Variants in MSLN observed in about 807,000 individuals in gnomAD.
MSLN encodes CAK1 antigen.
MSLN carries 82 observed loss-of-function variants against 72.6 expected under a neutral mutation model. The ratio of observed to expected loss-of-function variants is 1.13; its 90% CI spans 0.94 to 1.36. The LOEUF (loss-of-function observed/expected upper bound fraction) is 1.36. MSLN is among the 40% of genes most tolerant of loss of function. The pLI is 0.00. For synonymous variants in MSLN, 456 were observed against 387.3 expected, an observed-to-expected ratio of 1.18 and a Z score of -2.08; for missense variants, 1,005 against 847.9, an observed-to-expected ratio of 1.19 and a Z score of -2.30.
chr16:765,745 C>G lies in MSLN; in HGVS notation c.850C>G (p.Pro284Ala), dbSNP rs758864580. The G allele has an allele frequency of 1.8e-5, 29 of 1,600,576 alleles. No individual in the cohort carries two copies. Among genetic ancestry groups the G allele is most frequent in the African/African-American group, 4.0e-5 (3 of 74,928 alleles). Residue 284 changes from proline to alanine, a missense_variant, in exon 11 of 18, where the codon CCT becomes GCT. Pro to Ala is a conservative substitution (Grantham distance 27, BLOSUM62 -1). Transcript: ENST00000545450. ...RSSRDPSWRQ[P>A]ERTILRPRFR... ...CTCTCGGGACCCATCCTGGCGGCAG[C>G]CTGAACGGACCATCCTCCGGCCGCG...
At chr16:766,543 G>A (rs2041612520) in intron 13 of MSLN, 53 bp downstream of exon 13, 2 of 1,610,320 alleles carry the variant, frequency 1.2e-6, no homozygotes, top group Admixed American at 1.7e-5. Context: ...GGGCTGAGGG[G>A]CAGAGTGGGG....
Position 764,629 on chromosome 16 carries a change from G to C in MSLN, c.301-18G>C, listed in dbSNP as rs1012484305. On this transcript the variant is annotated intron_variant, in intron 6 of 17. Transcript: ENST00000545450. ...TGGCGGCTCGAAACGCTCTGTGCTG[G>C]ACTCCCTGCCCCTGCAGCTGCGCTG... 6.2e-7 allele frequency: 1 copy of C among 1,609,954 alleles called. No homozygotes were observed. Among genetic ancestry groups the C allele is most frequent in the Non-Finnish European group, 8.5e-7 (1 of 1,177,608 alleles).
Position 760,815 on chromosome 16 carries a change from G to A in MSLN, c.-118G>A, listed in dbSNP as rs2041527388. On this transcript the variant is annotated 5_prime_UTR_variant, in exon 1 of 18. Transcript: ENST00000545450. ...CAATTGAGGAAACCGAGGCAGAGGA[G>A]GCTCAGGTGTGGCCAATCACCCTGC... 2.0e-5 allele frequency: 3 copies of A among 152,394 alleles called. No homozygotes were observed. Among genetic ancestry groups the A allele is most frequent in the African/African-American group, 7.2e-5 (3 of 41,474 alleles). The allele number at this position is 152,394 out of a possible 1,614,324, so 9.4% of individuals were successfully genotyped here. A position where few individuals can be genotyped will look rare whatever the true frequency, so the allele number is the denominator to read the frequency against.
chr16:763,449 C>T lies in MSLN; in HGVS notation c.129+173C>T, dbSNP rs570797391. On this transcript the variant is annotated intron_variant, in intron 4 of 17. Coordinates refer to ENST00000545450, the MANE Select transcript of MSLN (RefSeq NM_005823.6). ...CCTGGGAGCAGCCAGGTCCAGGGAGCGGCAGAGCTGAAATTGCAGCTGGGT... is the reference window on the plus strand; with the variant it reads ...CCTGGGAGCAGCCAGGTCCAGGGAGTGGCAGAGCTGAAATTGCAGCTGGGT... Among the ~76,000 whole-genome samples, 14 of 152,222 alleles carry T rather than the reference C, an allele frequency of 9.2e-5. 1 individual carries two copies. The highest frequency in any genetic ancestry group is 2.9e-4 in the African/African-American group (12 of 41,506).
intron 2 of MSLN, chr16:762,391 C>G: frequency 2.1e-6 from 1 of 477,114 alleles, no homozygotes; most frequent in Admixed American, 3.9e-5. Flanking sequence ...CTCACACTGC[C>G]CTGCCCTTCT....
chr16:762,741 C>G lies in MSLN; in HGVS notation c.61C>G (p.Leu21Val). ...CTGTGGGACCCCCGCCCTCGGCAGC[C>G]TCCTGTTCCTGCTCTTCAGCCTCGG... ...GSCGTPALGS[L>V]LFLLFSLGWV... Residue 21 changes from leucine (L) to valine (V), a missense_variant, in exon 3 of 18, where the codon CTC becomes GTC. Coordinates refer to ENST00000545450, the MANE Select transcript of MSLN (RefSeq NM_005823.6). 6.2e-7 allele frequency: 1 copy of G among 1,600,096 alleles called. No individual in the cohort carries two copies. Among genetic ancestry groups the G allele is most frequent in the African/African-American group, 1.3e-5 (1 of 74,518 alleles).
chr16:767,133 C>T (rs2041626091), intron 15 of MSLN, 121 bp downstream of exon 15: 33 of 1,479,444 alleles, frequency 2.2e-5, no homozygotes, highest in Non-Finnish European at 2.9e-5. Context: ...GGGTGGTCAC[C>T]CGCCCTCTGC....
Position 766,917 on chromosome 16 carries a change from ACCCAAGGCAGCTGGACGTCCTCTAT to A in MSLN, c.1415_1439del (p.Gln472ProfsTer8), listed in dbSNP as rs1335627470. ...AGGCCCCAGGACCTGGACACGTGTG[ACCCAAGGCAGCTGGACGTCCTCTAT>A]CCCAAGGCCCGCCTTGCTTTCCAGA... is the stretch of plus-strand genomic sequence containing the variant. On this transcript the variant is annotated frameshift_variant, in exon 15 of 18. Transcript: ENST00000545450. LOFTEE classifies it high-confidence loss of function. The A allele has an allele frequency of 6.2e-7, 1 of 1,612,346 alleles. No individual in the cohort carries two copies. The highest frequency in any genetic ancestry group is 8.5e-7 in the Non-Finnish European group (1 of 1,179,818).
chr16:762,613 C>T (rs910740454), intron 2 of MSLN, 59 bp from the exon 3 acceptor site: 2 of 1,355,846 alleles, frequency 1.5e-6, no homozygotes, highest in Non-Finnish European at 2.1e-6. Flanking sequence ...CAGGCTGGCC[C>T]AGGACAGAGG....
At chr16:763,197 G>A (rs370395542) in intron 3 of MSLN, 36 bp from the exon 4 acceptor site, 41 of 1,435,694 alleles carry the variant, frequency 2.9e-5, no homozygotes, top group Admixed American at 4.5e-5. Flanking sequence ...CCAGAGGCCC[G>A]CCCCCTCCCC....
At position 768,829 on chromosome 16, in the gene MSLN, C is replaced by A; in HGVS notation, c.*96C>A. The stretch of plus-strand genomic sequence containing the variant: ...CCCCGTTCCACCCCAAGAGAACTCG[C>A]GCTCAGTAAACGGGAACATGCCCCC... On this transcript the variant is annotated 3_prime_UTR_variant, in exon 18 of 18. Coordinates refer to ENST00000545450, the MANE Select transcript of MSLN (RefSeq NM_005823.6). The A allele has an allele frequency of 8.1e-7, 1 of 1,234,446 alleles. No individual in the cohort carries two copies. The highest frequency in any genetic ancestry group is 1.2e-6 in the Non-Finnish European group (1 of 859,606). 76.5% of individuals were successfully genotyped at this position (1,234,446 alleles called of 1,614,324 possible). A position where few individuals can be genotyped will look rare whatever the true frequency, so the allele number is the denominator to read the frequency against.
In MSLN at chr16:765,154, G is replaced by A; in HGVS notation, c.555G>A (p.Leu185=). Residue 185 remains leucine, a synonymous_variant, in exon 9 of 18, where the codon CTG becomes CTA. Coordinates refer to ENST00000545450, the MANE Select transcript of MSLN (RefSeq NM_005823.6). ...SLLSEADVRA[L]GGLACDLPGR... Reference sequence around the variant, plus strand: ...TGAGCGAGGCTGATGTGCGGGCTCTGGGAGGCCTGGCTTGCGACCTGCCTG... The same window carrying A: ...TGAGCGAGGCTGATGTGCGGGCTCTAGGAGGCCTGGCTTGCGACCTGCCTG... The A allele has an allele frequency of 2.5e-6, 4 of 1,603,310 alleles. No individual in the cohort carries two copies. Among genetic ancestry groups the A allele is most frequent in the Non-Finnish European group, 3.4e-6 (4 of 1,178,882 alleles).
At chr16:767,979 G>T (rs1450104520) in intron 16 of MSLN, among the ~76,000 whole-genome samples, 2 of 26,856 alleles carry the variant, frequency 7.4e-5, no homozygotes, top group Non-Finnish European at 6.0e-5. Context: ...CGTGTGGGGG[G>T]GCGTGGAGGG....
At chr16:764,787 C>T in intron 7 of MSLN, 61 bp downstream of exon 7, 1 of 1,576,076 alleles carries the variant, frequency 6.3e-7, no homozygotes, top group Non-Finnish European at 8.6e-7. Context: ...AGCCCCCAAC[C>T]CCCTGCCCCT....
intron 7 of MSLN, 28 bp downstream of exon 7, chr16:764,754 C>A (rs542294612): frequency 1.5e-5 from 24 of 1,588,980 alleles, no homozygotes; most frequent in African/African-American, 9.4e-5. Context: ...AACCCACCCC[C>A]CCGGCTTTTG....
intron 9 of MSLN, 76 bp from the exon 10 acceptor site, chr16:765,451 G>A: frequency 6.8e-7 from 1 of 1,464,908 alleles, no homozygotes; most frequent in Non-Finnish European, 9.2e-7. Context: ...TCCACAGCCA[G>A]GGGGTACGGC....
intron 6 of MSLN, 103 bp downstream of exon 6, chr16:764,246 G>C: frequency 7.0e-7 from 1 of 1,433,134 alleles, no homozygotes; most frequent in Non-Finnish European, 9.3e-7. Context: ...CTCTGTCCCT[G>C]CTGCCATCTC....
chr16:768,557 G>C lies in MSLN; in HGVS notation c.1775G>C (p.Ser592Thr). Residue 592 changes from serine to threonine, a missense_variant, in exon 17 of 18, where the codon AGC (serine) becomes ACC (threonine). Transcript: ENST00000545450. ...AACGGCTACCTGGTCCTAGACCTCA[G>C]CATGCAAGGTGGGCGGGGCGGCCAG... ...IPNGYLVLDLSMQEALSGTPC... is the reference protein window; with the variant it reads ...IPNGYLVLDLTMQEALSGTPC... The C allele has an allele frequency of 6.2e-7, 1 of 1,607,524 alleles. No individual in the cohort carries two copies. The highest frequency in any genetic ancestry group is 1.3e-5 in the African/African-American group (1 of 74,868).
chr16:762,705 C>T lies in MSLN; in HGVS notation c.25C>T (p.Leu9=), dbSNP rs1236718109. 1 of 1,611,054 alleles carries T rather than the reference C, an allele frequency of 6.2e-7. No homozygotes were observed. The change falls in exon 3 of 18, where the codon CTG becomes TTG. Residue 9 remains leucine (L), a synonymous_variant. Coordinates refer to ENST00000545450, the MANE Select transcript of MSLN (RefSeq NM_005823.6). MALPTARP[L]LGSCGTPALG... ...CATGGCCTTGCCAACGGCTCGACCC[C>T]TGTTGGGGTCCTGTGGGACCCCCGC...
Sources: allele counts gnomAD v4.1 joint callset (sites outside exome capture counted in the v4.1 genomes callset), GRCh38; gene constraint gnomAD v4.1.1; transcripts MANE v1.5; gene names NCBI Gene and HGNC (gene_info 2026-07-23, HGNC 2026-07-21).